The following SEMA5A variants were observed in gnomAD, a reference collection of about 807,000 sequenced individuals.
SEMA5A encodes the protein semaphorin-5A.
A neutral mutation model predicts 135.5 loss-of-function variants in SEMA5A; 55 were observed. The ratio of observed to expected loss-of-function variants is 0.41; its 90% CI spans 0.33 to 0.51. SEMA5A has a LOEUF of 0.51. Ranked by LOEUF, SEMA5A falls within the 20% of genes least tolerant of loss-of-function variation. The probability of loss-of-function intolerance (pLI) is 0.37; values close to 1 mark genes in which losing one functional copy is unlikely to be tolerated. For missense variants in SEMA5A, 1,290 were observed against 1,419.9 expected (o/e 0.91, Z 1.47); for synonymous variants, 580 against 546.5 (o/e 1.06, Z -0.85).
At chr5:9,254,827 G>T (rs973554464) in intron 5 of SEMA5A, among the ~76,000 whole-genome samples, 3 of 152,128 alleles carry the variant, frequency 2.0e-5, no homozygotes, top group African/African-American at 7.2e-5. Context: ...TGAGGAAAAA[G>T]GGATAGAATG....
chr5:9,136,730 A>G lies in SEMA5A; in HGVS notation c.1482-109T>C. 3 of 814,806 alleles carry G rather than the reference A, an allele frequency of 3.7e-6. No individual in the cohort carries two copies. The South Asian group carries it at 4.5e-5, about 12-fold the overall frequency. The allele number at this position is 814,806 out of a possible 1,614,324, so 50.5% of individuals were successfully genotyped here. A position where few individuals can be genotyped will look rare whatever the true frequency, so the allele number is the denominator to read the frequency against. On this transcript the variant is annotated intron_variant, in intron 12 of 22. Coordinates refer to ENST00000382496, the MANE Select transcript of SEMA5A (RefSeq NM_003966.3). ...CAGAGAGGTATGGGATTTCTTACATATGAAGCCCAATGGGTATTTAGGCTG... is the reference window on the plus strand; with the variant it reads ...CAGAGAGGTATGGGATTTCTTACATGTGAAGCCCAATGGGTATTTAGGCTG...
intron 1 of SEMA5A, among the ~76,000 whole-genome samples, chr5:9,528,073 T>C (rs559928647): frequency 3.8e-4 from 58 of 152,338 alleles, no homozygotes; most frequent in African/African-American, 1.3e-3. Flanking sequence ...ATTGTCTTTA[T>C]AGAAATGAAA....
intron 5 of SEMA5A, among the ~76,000 whole-genome samples, chr5:9,312,535 A>C (rs1258844757): frequency 4.6e-5 from 7 of 152,140 alleles, no homozygotes; most frequent in Admixed American, 2.6e-4. Context: ...CCTGTCTGAA[A>C]ATCATAAGAA....
intron 1 of SEMA5A, among the ~76,000 whole-genome samples, chr5:9,499,868 G>A (rs1012076385): frequency 6.6e-6 from 1 of 151,704 alleles, no homozygotes; most frequent in Admixed American, 6.6e-5. Flanking sequence ...TTCCATCATA[G>A]AGTAATATAG....
At chr5:9,061,235 T>C (rs188592095) in intron 18 of SEMA5A, among the ~76,000 whole-genome samples, 51 of 152,250 alleles carry the variant, frequency 3.3e-4, no homozygotes, top group African/African-American at 1.2e-3. Context: ...TGCATCTGTG[T>C]ATACCCTGTA....
Position 9,204,930 on chromosome 5 carries a change from A to C in SEMA5A, c.647-2690T>G, listed in dbSNP as rs562024660. ...TCTAAGTTGTACACATCTTATGAGA[A>C]TCTAATGCCTGATGATCTGAGGCAG... On this transcript the variant is annotated intron_variant, in intron 8 of 22. Transcript: ENST00000382496. The surrounding 1 kb of genome is among the most constrained non-coding windows in gnomAD (Gnocchi z 6.4). Among the ~76,000 whole-genome samples, 1 of 152,170 alleles carries C rather than the reference A, an allele frequency of 6.6e-6. No individual in the cohort carries two copies. Among genetic ancestry groups the C allele is most frequent in the South Asian group, 2.1e-4 (1 of 4,826 alleles).
chr5:9,039,521 G>T lies in SEMA5A; in HGVS notation c.*3376C>A, dbSNP rs1735844636. The T allele has an allele frequency of 6.6e-6, 1 of 152,196 alleles. No homozygotes were observed. Among genetic ancestry groups the T allele is most frequent in the Non-Finnish European group, 1.5e-5 (1 of 68,038 alleles). 9.4% of individuals were successfully genotyped at this position (152,196 alleles called of 1,614,324 possible). On this transcript the variant is annotated 3_prime_UTR_variant, in exon 23 of 23. Coordinates refer to ENST00000382496, the MANE Select transcript of SEMA5A (RefSeq NM_003966.3). ...AGCCCCACACATACATTTATTAAAT[G>T]TTCTTTTCTTCTCAAATATGAATGG...
At chr5:9,367,332 C>T (rs1204148712) in intron 3 of SEMA5A, 1 of 152,082 alleles carries the variant, frequency 6.6e-6, no homozygotes, top group African/African-American at 2.4e-5. Flanking sequence ...TCTTATTGTT[C>T]TGTTTCTAAT....
chr5:9,307,440 T>G (rs1326110205), intron 5 of SEMA5A, among the ~76,000 whole-genome samples: 2 of 152,058 alleles, frequency 1.3e-5, no homozygotes, highest in African/African-American at 4.8e-5. Context: ...AGTCAACAAA[T>G]TAAGGGTTCC....
In SEMA5A at chr5:9,035,495, T is replaced by C. The variant is rs551240005; in HGVS notation, c.*7402A>G. 120 of 151,984 alleles carry C rather than the reference T, an allele frequency of 7.9e-4. No individual in the cohort carries two copies. The highest frequency in any genetic ancestry group is 2.8e-3 in the African/African-American group (117 of 41,486). 9.4% of individuals were successfully genotyped at this position (151,984 alleles called of 1,614,324 possible). A position where few individuals can be genotyped will look rare whatever the true frequency, so the allele number is the denominator to read the frequency against. ...TTGATCCAATGCAGCAGGTAATGAG[T>C]TTCCAGTTGCCACAATTGGTGTCTT... On this transcript the variant is annotated 3_prime_UTR_variant, in exon 23 of 23. Transcript: ENST00000382496.
At chr5:9,083,955 C>T (rs1298123905) in intron 16 of SEMA5A, among the ~76,000 whole-genome samples, 1 of 152,148 alleles carries the variant, frequency 6.6e-6, no homozygotes, top group African/African-American at 2.4e-5. Flanking sequence ...AATTGCAACA[C>T]ATACAGCATT....
intron 16 of SEMA5A, among the ~76,000 whole-genome samples, chr5:9,099,400 T>C (rs931271353): frequency 3.3e-5 from 5 of 152,186 alleles, no homozygotes; most frequent in African/African-American, 1.2e-4. Flanking sequence ...TGCATTCCAG[T>C]GTTTGTGAAG....
In SEMA5A at chr5:9,388,898, C is replaced by CAAA. The variant is rs111310656; in HGVS notation, c.-77-8878_-77-8876dup. 6.9e-4 allele frequency among the ~76,000 whole-genome samples: 94 copies of CAAA among 136,612 alleles called. 2 individuals carry two copies. Among genetic ancestry groups the CAAA allele is most frequent in the South Asian group, 4.7e-4 (2 of 4,246 alleles). 89.6% of individuals were successfully genotyped at this position (136,612 alleles called of 152,430 possible). On this transcript the variant is annotated intron_variant, in intron 2 of 22. Transcript: ENST00000382496. ...TGGGTGACACAGCGAGACTCCGTCT[C>CAAA]AAAAAAAAAAAGAAAGAAAGAAAGA... is the stretch of plus-strand genomic sequence containing the variant.
chr5:9,273,250 T>G (rs145129016), intron 5 of SEMA5A, among the ~76,000 whole-genome samples: 1,558 of 151,798 alleles, frequency 0.01, 27 homozygotes, highest in African/African-American at 0.036. Context: ...AGATTGAAGA[T>G]CAACTCAATG....
At chr5:9,421,432 T>A (rs1406120244) in intron 2 of SEMA5A, among the ~76,000 whole-genome samples, 1 of 152,214 alleles carries the variant, frequency 6.6e-6, no homozygotes, top group African/African-American at 2.4e-5. Context: ...AAAGCTTCTA[T>A]AAACATTCAC....
chr5:9,046,047 A>C (rs1736232862), intron 21 of SEMA5A: 1 of 152,262 alleles, frequency 6.6e-6, no homozygotes, highest in South Asian at 2.1e-4. Flanking sequence ...TGGGTAAAGT[A>C]AAACAGGGCC....
At chr5:9,063,504 C>T (rs1737294509) in intron 17 of SEMA5A, among the ~76,000 whole-genome samples, 1 of 152,202 alleles carries the variant, frequency 6.6e-6, no homozygotes, top group Admixed American at 6.5e-5. Context: ...CCTCAAGGAC[C>T]TCCATCTGGA....
In SEMA5A at chr5:9,437,262, G is replaced by A. The variant is rs59051710; in HGVS notation, c.-78+494C>T. Among the ~76,000 whole-genome samples the A allele has an allele frequency of 6.2e-4, 95 of 152,246 alleles. 1 individual carries two copies. The East Asian group carries it at 8.9e-3, about 14-fold the overall frequency. ...TCTTCGGGTTCCTGAGTGATGTAGC[G>A]GTGGTATATGCCCACAATTGTTTTA... On this transcript the variant is annotated intron_variant, in intron 2 of 22. Transcript: ENST00000382496.
intron 13 of SEMA5A, among the ~76,000 whole-genome samples, chr5:9,124,222 C>T (rs567948200): frequency 6.6e-6 from 1 of 152,170 alleles, no homozygotes; most frequent in African/African-American, 2.4e-5. Context: ...GGCATGGCAT[C>T]GCTGGGACAT....
Sources: allele counts gnomAD v4.1 joint callset (sites outside exome capture counted in the v4.1 genomes callset), GRCh38; gene constraint gnomAD v4.1.1; non-coding constraint Gnocchi (gnomAD v3.1); transcripts MANE v1.5; gene names NCBI Gene and HGNC (gene_info 2026-07-23, HGNC 2026-07-21).